ANO3: variants seen among roughly 807,000 people sequenced by gnomAD.
ANO3 encodes the protein anoctamin 3.
ANO3 carries 99 observed loss-of-function variants against 144.8 expected under a neutral mutation model. That is an observed-to-expected ratio of 0.68 (90% confidence interval 0.58 to 0.81). The LOEUF (loss-of-function observed/expected upper bound fraction) is 0.81. Among genes scored for constraint, ANO3 ranks in the 30% least tolerant of loss-of-function variants. ANO3 has a pLI of 0.00. For missense variants in ANO3, 905 were observed against 1,202.2 expected (o/e 0.75, Z 3.66); for synonymous variants, 414 against 392.6 (o/e 1.05, Z -0.64).
intron 3 of ANO3, among the ~76,000 whole-genome samples, chr11:26,452,657 CA>C (rs1858991139): frequency 6.6e-6 from 1 of 152,192 alleles, no homozygotes; most frequent in Admixed American, 6.5e-5. Context: ...AAACACTCTG[CA>C]GGATATTATC....
chr11:26,362,682 T>C (rs1855958983), intron 1 of ANO3, among the ~76,000 whole-genome samples: 1 of 152,206 alleles, frequency 6.6e-6, no homozygotes, highest in Non-Finnish European at 1.5e-5. Flanking sequence ...TCCTGTGAAC[T>C]CTAGCATAAA....
At chr11:26,378,419 T>TTATCTATC (rs11372051) in intron 1 of ANO3, among the ~76,000 whole-genome samples, 15,261 of 144,656 alleles carry the variant, frequency 0.11, 1,118 homozygotes, top group Admixed American at 0.18. Flanking sequence ...TATATATTAT[T>TTATCTATC]TATCTATCTA....
intron 1 of ANO3, among the ~76,000 whole-genome samples, chr11:26,191,367 T>TC (rs1851474812): frequency 6.6e-6 from 1 of 151,410 alleles, no homozygotes; most frequent in Admixed American, 6.6e-5. Context: ...CACACATATA[T>TC]ATATTTGACT....
chr11:26,375,463 T>C (rs912321487), intron 1 of ANO3, among the ~76,000 whole-genome samples: 11 of 152,186 alleles, frequency 7.2e-5, no homozygotes, highest in African/African-American at 2.7e-4. Context: ...CTACAAATAA[T>C]AAGTTCTCAA....
At chr11:26,543,528 A>G (rs1266795894) in intron 11 of ANO3, among the ~76,000 whole-genome samples, 2 of 152,088 alleles carry the variant, frequency 1.3e-5, no homozygotes, top group African/African-American at 4.8e-5. Flanking sequence ...TTACATATGT[A>G]TACATGTGCC....
intron 6 of ANO3, among the ~76,000 whole-genome samples, chr11:26,522,217 A>AAC (rs1565076912): frequency 6.6e-5 from 10 of 151,182 alleles, no homozygotes; most frequent in African/African-American, 1.5e-4. Context: ...ACAACAACAA[A>AAC]AAAAAAACAT....
intron 24 of ANO3, among the ~76,000 whole-genome samples, chr11:26,654,780 G>T (rs1210353521): frequency 6.6e-6 from 1 of 152,002 alleles, no homozygotes; most frequent in Admixed American, 6.6e-5. Context: ...CAGATTTTTG[G>T]TTTGTTGAAT....
intron 1 of ANO3, among the ~76,000 whole-genome samples, chr11:26,282,562 T>A (rs948148240): frequency 6.6e-6 from 1 of 152,184 alleles, no homozygotes; most frequent in African/African-American, 2.4e-5. Flanking sequence ...AAGATTTTTT[T>A]AATTAAGAAA....
chr11:26,524,340 C>G (rs1849108431), intron 6 of ANO3, among the ~76,000 whole-genome samples: 1 of 152,106 alleles, frequency 6.6e-6, no homozygotes, highest in African/African-American at 2.4e-5. Flanking sequence ...ATGGCAGGGA[C>G]AACTTTAAAA....
chr11:26,644,912 CAG>C (rs1853294400), intron 23 of ANO3, among the ~76,000 whole-genome samples: 1 of 151,334 alleles, frequency 6.6e-6, no homozygotes, highest in African/African-American at 2.4e-5. Context: ...TATATATAAA[CAG>C]AGATGCTGGT....
intron 1 of ANO3, among the ~76,000 whole-genome samples, chr11:26,255,929 A>C (rs1853046963): frequency 2.0e-5 from 3 of 152,200 alleles, no homozygotes; most frequent in Admixed American, 2.0e-4. Flanking sequence ...AAGGCCAGTC[A>C]CAGACTGTAG....
chr11:26,275,971 A>C (rs1051190336), intron 1 of ANO3, among the ~76,000 whole-genome samples: 1 of 152,312 alleles, frequency 6.6e-6, no homozygotes, highest in South Asian at 2.1e-4. Flanking sequence ...GAATAACACT[A>C]TCATCTTCAC....
intron 1 of ANO3, among the ~76,000 whole-genome samples, chr11:26,421,838 C>T (rs2133998547): frequency 6.6e-6 from 1 of 152,166 alleles, no homozygotes; most frequent in Admixed American, 6.6e-5. Flanking sequence ...AGCAAACTAA[C>T]ACAGGAACAG....
chr11:26,614,160 T>C (rs58302588), intron 17 of ANO3, among the ~76,000 whole-genome samples: 23,135 of 152,168 alleles, frequency 0.15, 2,056 homozygotes, highest in East Asian at 0.33. Flanking sequence ...GCTAGGCAGG[T>C]TGAAGCAGTT....
intron 14 of ANO3, chr11:26,563,199 G>A (rs1462084555): frequency 1.2e-6 from 2 of 1,612,368 alleles, no homozygotes; most frequent in Middle Eastern, 1.7e-4. Context: ...GCCCACAAGA[G>A]TAAGCAATGA....
intron 13 of ANO3, among the ~76,000 whole-genome samples, chr11:26,558,207 A>T (rs1184863496): frequency 6.6e-6 from 1 of 152,204 alleles, no homozygotes; most frequent in Non-Finnish European, 1.5e-5. Flanking sequence ...CATGCAACAC[A>T]ATTGCTACTA....
chr11:26,301,592 C>G (rs1417845566), intron 1 of ANO3, among the ~76,000 whole-genome samples: 1 of 151,998 alleles, frequency 6.6e-6, no homozygotes, highest in African/African-American at 2.4e-5. Flanking sequence ...CCACTTCTGT[C>G]ATTCTATAAA....
chr11:26,349,694 G>A (rs1056662908), intron 1 of ANO3, among the ~76,000 whole-genome samples: 1 of 152,082 alleles, frequency 6.6e-6, no homozygotes, highest in African/African-American at 2.4e-5. Context: ...GACCTCAGGC[G>A]CCCGCCACCG....
intron 4 of ANO3, among the ~76,000 whole-genome samples, chr11:26,469,742 AATAT>A (rs1164453831): frequency 2.0e-5 from 3 of 151,916 alleles, no homozygotes; most frequent in East Asian, 1.9e-4. Flanking sequence ...CATACTGGAA[AATAT>A]ATATATGCCA....
Sources: gnomAD v4.1 joint callset for allele counts (sites outside exome capture counted in the v4.1 genomes callset) on GRCh38, gnomAD v4.1.1 for gene constraint, MANE v1.5 for transcripts, NCBI Gene and HGNC (gene_info 2026-07-23, HGNC 2026-07-21) for gene names.